The following MAGT1 variants were observed in gnomAD, a reference collection of about 807,000 sequenced individuals.
MAGT1 encodes the protein dolichyl-diphosphooligosaccharide--protein glycosyltransferase subunit MAGT1.
MAGT1 carries 4 observed loss-of-function variants against 28.4 expected under a neutral mutation model. That is an observed-to-expected ratio of 0.14 (90% CI 0.07 to 0.32). The LOEUF is 0.32. Ranked by LOEUF, MAGT1 falls within the 10% of genes least tolerant of loss-of-function variation. The pLI is 1.00. For missense variants in MAGT1, 193 were observed against 264.5 expected, an observed-to-expected ratio of 0.73 and a Z score of 1.88; for synonymous variants, 89 against 89.7, an observed-to-expected ratio of 0.99 and a Z score of 0.04.
chrX:77,879,632 C>T (rs1228128385), intron 1 of MAGT1, among the ~76,000 whole-genome samples: 3 of 110,501 alleles, frequency 2.7e-5, no homozygotes, highest in Non-Finnish European at 3.8e-5. Context: ...GAACAGAGAC[C>T]CACAATTCTT....
chrX:77,872,660 C>T (rs1453080995), intron 2 of MAGT1, among the ~76,000 whole-genome samples: 1 of 111,546 alleles, frequency 9.0e-6, no homozygotes, highest in Non-Finnish European at 1.9e-5. Context: ...TTTGTCTAGC[C>T]CTAGCACAAG....
Position 77,875,493 on chromosome X carries a change from C to T in MAGT1, c.207G>A (p.Pro69=), listed in dbSNP as rs782428049. 3.2e-4 allele frequency: 388 copies of T among 1,207,210 alleles called. 1 individual carries two copies. The South Asian group carries it at 3.9e-3, about 12-fold the overall frequency. Residue 69 remains proline (P), a synonymous_variant, in exon 2 of 10, where the codon CCG becomes CCA. Coordinates refer to ENST00000618282, the MANE Select transcript of MAGT1 (RefSeq NM_001367916.1). Reference sequence around the variant, plus strand: ...ACATGACGATAACGGAGTAATTTCTCGGTGGGGCTTTCACAAGGCGACGGA... The same window carrying T: ...ACATGACGATAACGGAGTAATTTCTTGGTGGGGCTTTCACAAGGCGACGGA... ...DKFRRLVKAP[P]RNYSVIVMFT...
intron 3 of MAGT1, among the ~76,000 whole-genome samples, chrX:77,862,623 C>A (rs1399103770): frequency 8.9e-6 from 1 of 111,820 alleles, no homozygotes; most frequent in Non-Finnish European, 1.9e-5. Context: ...AAAGAAGACA[C>A]ACATGGCCAA....
In MAGT1 at chrX:77,830,970, TTTTTATTTTA is replaced by T. The variant is rs201564456; in HGVS notation, c.902-85_902-76del. The T allele has an allele frequency of 0.021, 3,807 of 182,396 alleles. 115 individuals carry two copies. The highest frequency in any genetic ancestry group is 0.068 in the East Asian group (558 of 8,258). The allele number at this position is 182,396 out of a possible 1,213,427, so 15.0% of individuals were successfully genotyped here. A position where few individuals can be genotyped will look rare whatever the true frequency, so the allele number is the denominator to read the frequency against. On this transcript the variant is annotated intron_variant, in intron 8 of 9. Transcript: ENST00000618282. Reference sequence around the variant, plus strand: ...TAACCATGGCAGTCTATACTTTCTTTTTTTATTTTATTTTATTTTATTTTATTTTATTTTA... The same window carrying T: ...TAACCATGGCAGTCTATACTTTCTTTTTTTATTTTATTTTATTTTATTTTA...
At chrX:77,848,087 G>A (rs1557215182) in intron 7 of MAGT1, among the ~76,000 whole-genome samples, 1 of 112,176 alleles carries the variant, frequency 8.9e-6, no homozygotes, top group Admixed American at 9.5e-5. Context: ...GCTGTCAAGA[G>A]CTATGATGCA....
intron 7 of MAGT1, among the ~76,000 whole-genome samples, chrX:77,850,776 T>C (rs1200486404): frequency 1.8e-5 from 2 of 111,150 alleles, no homozygotes; most frequent in East Asian, 5.6e-4. Context: ...ACTTCTTATA[T>C]ATTTAAAAGT....
At chrX:77,852,906 T>C (rs2076972290) in intron 7 of MAGT1, among the ~76,000 whole-genome samples, 2 of 111,957 alleles carry the variant, frequency 1.8e-5, no homozygotes, top group South Asian at 3.7e-4. Flanking sequence ...CTGATTCTTG[T>C]ATATCAATGT....
chrX:77,884,792 A>G (rs1242932225), intron 1 of MAGT1, among the ~76,000 whole-genome samples: 1 of 109,108 alleles, frequency 9.2e-6, no homozygotes, highest in Non-Finnish European at 1.9e-5. Flanking sequence ...TGTTCTTAAA[A>G]AAAAAAAAAA....
chrX:77,875,843 C>G (rs781810517), intron 1 of MAGT1, among the ~76,000 whole-genome samples: 3 of 109,641 alleles, frequency 2.7e-5, no homozygotes, highest in Admixed American at 2.0e-4. Context: ...AATGAATAAA[C>G]GAATGAATGA....
chrX:77,832,337 C>T (rs2076900764), intron 8 of MAGT1, among the ~76,000 whole-genome samples: 1 of 110,161 alleles, frequency 9.1e-6, no homozygotes, highest in Non-Finnish European at 1.9e-5. Flanking sequence ...CTTCCCAGGG[C>T]CGTACTGGAA....
chrX:77,854,071 TAAAC>T, intron 6 of MAGT1, 107 bp from the exon 7 acceptor site: 1 of 612,110 alleles, frequency 1.6e-6, no homozygotes, highest in Non-Finnish European at 2.8e-6. Context: ...ATTCACCTGA[TAAAC>T]CATGTGACAT....
intron 6 of MAGT1, 107 bp downstream of exon 6, chrX:77,855,394 G>A: frequency 7.2e-6 from 4 of 559,261 alleles, no homozygotes; most frequent in South Asian, 2.5e-5. Context: ...AGATTGAAAA[G>A]TGAAGACTAA....
Position 77,871,057 on chromosome X carries a change from C to A in MAGT1, c.273-132G>T, listed in dbSNP as rs1557217296. 23 of 522,167 alleles carry A rather than the reference C, an allele frequency of 4.4e-5. No homozygotes were observed. In the East Asian group the frequency reaches 7.6e-4, roughly 17 times the overall value. 43.0% of individuals were successfully genotyped at this position (522,167 alleles called of 1,213,427 possible). On this transcript the variant is annotated intron_variant, in intron 2 of 9. Coordinates refer to ENST00000618282, the MANE Select transcript of MAGT1 (RefSeq NM_001367916.1). ...TGGGAGAAATAATAAAAAACACTGA[C>A]AAGTAGGTCAGACTCTGCTGACAGG...
At chrX:77,889,804 C>T (rs1402977638) in intron 1 of MAGT1, among the ~76,000 whole-genome samples, 4 of 112,016 alleles carry the variant, frequency 3.6e-5, no homozygotes, top group African/African-American at 9.7e-5. Context: ...TCCTATTATA[C>T]TCTTAATTTT....
intron 7 of MAGT1, among the ~76,000 whole-genome samples, chrX:77,848,657 C>T (rs182147983): frequency 7.2e-5 from 8 of 111,510 alleles, no homozygotes; most frequent in Non-Finnish European, 1.5e-4. Flanking sequence ...TACCATGAAA[C>T]ATTCATATAG....
chrX:77,837,249 C>T (rs1557213993), intron 8 of MAGT1: 1 of 110,915 alleles, frequency 9.0e-6, no homozygotes, highest in East Asian at 2.8e-4. Context: ...AAAAGTCAGG[C>T]AGTGAAAGGA....
intron 7 of MAGT1, among the ~76,000 whole-genome samples, chrX:77,847,374 C>T (rs938162059): frequency 3.2e-4 from 36 of 112,311 alleles, no homozygotes; most frequent in East Asian, 2.8e-4. Flanking sequence ...TGACCCCTTG[C>T]GCTTCCCGGG....
At chrX:77,872,787 T>C (rs782370581) in intron 2 of MAGT1, among the ~76,000 whole-genome samples, 1 of 112,342 alleles carries the variant, frequency 8.9e-6, no homozygotes, top group African/African-American at 3.2e-5. Context: ...TTGCCTTATA[T>C]TGCCATCTAA....
intron 1 of MAGT1, among the ~76,000 whole-genome samples, chrX:77,882,898 T>TA (rs782592680): frequency 1.3e-3 from 136 of 105,800 alleles, no homozygotes; most frequent in African/African-American, 4.1e-3. Flanking sequence ...GCCCAGGAGT[T>TA]AGAGGCTGCA....
Sources: gnomAD v4.1 joint callset for allele counts (sites outside exome capture counted in the v4.1 genomes callset) on GRCh38, gnomAD v4.1.1 for gene constraint, MANE v1.5 for transcripts, NCBI Gene and HGNC (gene_info 2026-07-23, HGNC 2026-07-21) for gene names.